The following ITGA11 variants were observed in gnomAD, a reference collection of about 807,000 sequenced individuals.
The protein encoded by ITGA11 is integrin subunit alpha 11, also known as integrin alpha-11.
In ITGA11, 97 loss-of-function variants were observed where a neutral mutation model predicts 141.9. The observed-to-expected ratio is 0.68, with a 90% CI of 0.58 to 0.81. The LOEUF is 0.81. Ranked by LOEUF, ITGA11 falls within the 30% of genes least tolerant of loss-of-function variation. The pLI is 0.00. For synonymous variants in ITGA11, 658 were observed against 624.6 expected, an observed-to-expected ratio of 1.05 and a Z score of -0.80; for missense variants, 1,387 against 1,559.2, an observed-to-expected ratio of 0.89 and a Z score of 1.86.
chr15:68,338,768 C>A (rs540536793), intron 11 of ITGA11, among the ~76,000 whole-genome samples: 1 of 152,176 alleles, frequency 6.6e-6, no homozygotes, highest in Non-Finnish European at 1.5e-5. Flanking sequence ...GAGTGGGGTC[C>A]GAGGAGGCCT....
chr15:68,310,804 C>G (rs1003392812), intron 26 of ITGA11, among the ~76,000 whole-genome samples, 190 bp downstream of exon 26: 6 of 152,216 alleles, frequency 3.9e-5, no homozygotes, highest in African/African-American at 1.4e-4. Flanking sequence ...CCCTGTGAGA[C>G]GGGGGACTCA....
At position 68,335,116 on chromosome 15, in the gene ITGA11, G is replaced by C. The variant is rs1219071506; in HGVS notation, c.1425+581C>G. 6.6e-6 allele frequency among the ~76,000 whole-genome samples: 1 copy of C among 152,148 alleles called. No individual in the cohort carries two copies. The highest frequency in any genetic ancestry group is 1.5e-5 in the Non-Finnish European group (1 of 68,024). ...AAGGGCCTGGACAGCACTCAGCTCT[G>C]GCCTAGAGAGGGCACAGATGCTGCT... is the stretch of plus-strand genomic sequence containing the variant. On this transcript the variant is annotated intron_variant, in intron 12 of 29. Coordinates refer to ENST00000315757, the MANE Select transcript of ITGA11 (RefSeq NM_001004439.2). This position sits in a 1 kb window ranked among gnomAD's most constrained non-coding sequence, Gnocchi z 4.9.
intron 1 of ITGA11, among the ~76,000 whole-genome samples, chr15:68,411,279 C>T (rs778495277): frequency 1.3e-4 from 20 of 152,202 alleles, no homozygotes; most frequent in Non-Finnish European, 1.2e-4. Flanking sequence ...GTAGAAATTT[C>T]AGCTCTGACA....
At chr15:68,330,735 G>A (rs1271601790) in intron 15 of ITGA11, among the ~76,000 whole-genome samples, 1 of 152,188 alleles carries the variant, frequency 6.6e-6, no homozygotes, top group Non-Finnish European at 1.5e-5. Context: ...AGACATGCTT[G>A]AGTAGCCATA....
intron 1 of ITGA11, among the ~76,000 whole-genome samples, chr15:68,406,191 G>A (rs1053032888): frequency 3.3e-5 from 5 of 152,086 alleles, no homozygotes; most frequent in African/African-American, 1.2e-4. Context: ...TGCAACCATG[G>A]CCAGAGGGAC....
At position 68,308,904 on chromosome 15, in the gene ITGA11, C is replaced by A. The variant is rs1893288585; in HGVS notation, c.3175-1208G>T. Among the ~76,000 whole-genome samples the A allele has an allele frequency of 6.6e-6, 1 of 152,158 alleles. No individual in the cohort carries two copies. Among genetic ancestry groups the A allele is most frequent in the Non-Finnish European group, 1.5e-5 (1 of 68,040 alleles). On this transcript the variant is annotated intron_variant, in intron 26 of 29. Transcript: ENST00000315757. This position sits in a 1 kb window ranked among gnomAD's most constrained non-coding sequence, Gnocchi z 5.2. ...GAAGCCTGACAATTAACAGCAGAAC[C>A]ATTAGCCAACACTATAGACAGCTCA...
intron 20 of ITGA11, among the ~76,000 whole-genome samples, chr15:68,319,383 A>G (rs1431281592): frequency 1.3e-5 from 2 of 152,242 alleles, no homozygotes; most frequent in Non-Finnish European, 2.9e-5. Flanking sequence ...AGTAGGCAAT[A>G]TGTGGATGGT....
chr15:68,311,523 C>T (rs763337852), intron 24 of ITGA11, 120 bp from the exon 25 acceptor site: 256 of 668,448 alleles, frequency 3.8e-4, no homozygotes, highest in Non-Finnish European at 5.6e-4. Flanking sequence ...GGAAAAAGGC[C>T]CACTCAAGAC....
At chr15:68,315,594 G>T in intron 22 of ITGA11, 57 bp downstream of exon 22, 1 of 1,442,018 alleles carries the variant, frequency 6.9e-7, no homozygotes, top group Non-Finnish European at 9.7e-7. Context: ...CTAGCAGCCA[G>T]AGAGCTGGGC....
At chr15:68,416,276 G>C (rs1312535163) in intron 1 of ITGA11, among the ~76,000 whole-genome samples, 2 of 152,312 alleles carry the variant, frequency 1.3e-5, no homozygotes, top group East Asian at 3.9e-4. Flanking sequence ...ATCTGGGGCT[G>C]GGCAGCCTGT....
rs139121159 is a variant in ITGA11, at chr15:68,422,217, C to T, written c.52+9798G>A. On this transcript the variant is annotated intron_variant, in intron 1 of 29. Coordinates refer to ENST00000315757, the MANE Select transcript of ITGA11 (RefSeq NM_001004439.2). ...CTCCAAGTCCGACTACTCACTTGCA[C>T]GCTCCCTAGCAACATTCTCCACTGC... 6.4e-3 allele frequency among the ~76,000 whole-genome samples: 981 copies of T among 152,240 alleles called. 12 individuals carry two copies. The highest frequency in any genetic ancestry group is 0.022 in the African/African-American group (905 of 41,518).
intron 3 of ITGA11, among the ~76,000 whole-genome samples, chr15:68,368,366 A>T (rs374668612): frequency 6.6e-6 from 1 of 152,342 alleles, no homozygotes. Flanking sequence ...GCAAGCAATG[A>T]CCCAGCTGCT....
At chr15:68,431,611 T>C (rs147389481) in intron 1 of ITGA11, among the ~76,000 whole-genome samples, 1,792 of 152,280 alleles carry the variant, frequency 0.012, 42 homozygotes, top group African/African-American at 0.04. Flanking sequence ...GCACACTCTC[T>C]TGGCGCTGAT....
Position 68,357,271 on chromosome 15 carries a change from A to T in ITGA11, c.629T>A (p.Val210Glu). The stretch of plus-strand genomic sequence containing the variant: ...GTCGTTGAGGTGAAACTCATGCACC[A>T]CATCTTCGCCATACTGCACAACTCC... ...QVGVVQYGEDVVHEFHLNDYR... is the reference protein window; with the variant it reads ...QVGVVQYGEDEVHEFHLNDYR... Residue 210 changes from valine to glutamate, a missense_variant, in exon 7 of 30, where the codon GTG becomes GAG. Coordinates refer to ENST00000315757, the MANE Select transcript of ITGA11 (RefSeq NM_001004439.2). 5.0e-6 allele frequency: 8 copies of T among 1,613,812 alleles called. No individual in the cohort carries two copies. Among genetic ancestry groups the T allele is most frequent in the Non-Finnish European group, 6.8e-6 (8 of 1,179,838 alleles).
Position 68,328,232 on chromosome 15 carries a change from G to A in ITGA11, c.1932C>T (p.Ser644=). 1.2e-6 allele frequency: 2 copies of A among 1,613,934 alleles called. No homozygotes were observed. The highest frequency in any genetic ancestry group is 1.7e-6 in the Non-Finnish European group (2 of 1,179,892). Residue 644 remains serine (S), a synonymous_variant, in exon 16 of 30, where the codon AGC becomes AGT. Transcript: ENST00000315757. This position sits in a 1 kb window ranked among gnomAD's most constrained non-coding sequence, Gnocchi z 4.8. ...WSRPVVQINA[S]LHFEPSKINI... is the part of the protein sequence containing the mutation. ...TGATCTTGGATGGCTCAAAGTGGAG[G>A]CTGGCATTGATCTGAACCACTGGGC...
rs1025024611 is a variant in ITGA11 at position 68,358,535 on chromosome 15, T to C, written c.523A>G (p.Ile175Val). 6.2e-7 allele frequency: 1 copy of C among 1,614,124 alleles called. No individual in the cohort carries two copies. Among genetic ancestry groups the C allele is most frequent in the African/African-American group, 1.3e-5 (1 of 75,050 alleles). ...IVIVLDGSNS[I>V]YPWVEVQHFL... ...TGCTGAACCTCCACCCAGGGGTAGA[T>C]GCTGTTGGAGCCATCCAGGACAATG... The change falls in exon 6 of 30, where the codon ATC (isoleucine) becomes GTC (valine). Residue 175 changes from isoleucine (I) to valine (V), a missense_variant. Transcript: ENST00000315757.
Position 68,317,336 on chromosome 15 carries a change from C to T in ITGA11, c.2644G>A (p.Val882Met). The change falls in exon 21 of 30, where the codon GTG becomes ATG. Residue 882 changes from valine to methionine, a missense_variant. By Grantham distance (21) the Val-to-Met change is conservative (BLOSUM62 1). Transcript: ENST00000315757. ...TTCTGGAGCCTCCTCTCCTCGTTCA[C>T]ACACTCAATGCTACCGTCTGAGTCC... ...KEDSDGSIEC[V>M]NEERRLQKQV... The T allele has an allele frequency of 6.2e-7, 1 of 1,613,794 alleles. No homozygotes were observed. Among genetic ancestry groups the T allele is most frequent in the South Asian group, 1.1e-5 (1 of 91,076 alleles).
intron 14 of ITGA11, 52 bp downstream of exon 14, chr15:68,331,807 T>C: frequency 2.7e-6 from 4 of 1,484,658 alleles, no homozygotes; most frequent in East Asian, 2.4e-5. Context: ...CTGGGACTCC[T>C]GGGACTCCTG....
intron 24 of ITGA11, among the ~76,000 whole-genome samples, chr15:68,311,617 G>C (rs1893389534): frequency 6.6e-6 from 1 of 152,196 alleles, no homozygotes; most frequent in Non-Finnish European, 1.5e-5. Context: ...AAAGCCCTGA[G>C]AGGGGATGGG....
Sources: allele counts gnomAD v4.1 joint callset (sites outside exome capture counted in the v4.1 genomes callset), GRCh38; gene constraint gnomAD v4.1.1; non-coding constraint Gnocchi (gnomAD v3.1); transcripts MANE v1.5; gene names NCBI Gene and HGNC (gene_info 2026-07-23, HGNC 2026-07-21).